THSD7A: variants seen among roughly 807,000 people sequenced by gnomAD.
THSD7A encodes the protein thrombospondin type 1 domain containing 7A.
THSD7A carries 96 observed loss-of-function variants against 231.3 expected under a neutral mutation model. The observed-to-expected ratio is 0.41, with a 90% CI of 0.35 to 0.49. The LOEUF (loss-of-function observed/expected upper bound fraction) is 0.49. Among genes scored for constraint, THSD7A ranks in the 20% least tolerant of loss-of-function variants. THSD7A has a pLI of 0.05. For synonymous variants in THSD7A, 940 were observed against 743.3 expected, an observed-to-expected ratio of 1.26 and a Z score of -4.30; for missense variants, 2,290 against 2,070.2, an observed-to-expected ratio of 1.11 and a Z score of -2.06.
Position 11,382,535 on chromosome 7 carries a change from C to T in THSD7A, c.4493G>A (p.Gly1498Asp). ...SRTVWCQRSD[G>D]INVTGGCLVM... Reference sequence around the variant, plus strand: ...TGGAGGTTTACCTGTTACATTTATACCATCTGACCTTTGACACCACACTGT... The same window carrying T: ...TGGAGGTTTACCTGTTACATTTATATCATCTGACCTTTGACACCACACTGT... The change falls in exon 24 of 28, where the codon GGT becomes GAT. Residue 1498 changes from glycine (G) to aspartate (D), a missense_variant. Coordinates refer to ENST00000423059, the MANE Select transcript of THSD7A (RefSeq NM_015204.3). The T allele has an allele frequency of 1.2e-6, 2 of 1,612,282 alleles. No individual in the cohort carries two copies. Among genetic ancestry groups the T allele is most frequent in the Non-Finnish European group, 1.7e-6 (2 of 1,178,848 alleles).
intron 1 of THSD7A, among the ~76,000 whole-genome samples, chr7:11,686,045 A>G (rs1257016986): frequency 1.3e-5 from 2 of 151,882 alleles, no homozygotes; most frequent in African/African-American, 4.8e-5. Context: ...TAAAAGCGGA[A>G]TCATGTCCTT....
intron 1 of THSD7A, among the ~76,000 whole-genome samples, chr7:11,658,900 C>T (rs534161784): frequency 6.6e-6 from 1 of 151,610 alleles, no homozygotes; most frequent in Non-Finnish European, 1.5e-5. Flanking sequence ...CAGAGCAGAA[C>T]TCAGAATAAA....
At chr7:11,566,325 G>T (rs1013742087) in intron 4 of THSD7A, among the ~76,000 whole-genome samples, 7 of 152,198 alleles carry the variant, frequency 4.6e-5, no homozygotes, top group African/African-American at 1.4e-4. Context: ...GAGACAGAAA[G>T]GGATGTTTTA....
chr7:11,569,750 A>G (rs1422973019), intron 4 of THSD7A, among the ~76,000 whole-genome samples: 2 of 152,254 alleles, frequency 1.3e-5, no homozygotes, highest in African/African-American at 4.8e-5. Flanking sequence ...TTCACTATTT[A>G]TAGCCAAGAT....
chr7:11,688,649 G>T (rs139521481), intron 1 of THSD7A, among the ~76,000 whole-genome samples: 1 of 151,818 alleles, frequency 6.6e-6, no homozygotes, highest in Non-Finnish European at 1.5e-5. Flanking sequence ...CAGATAAAGA[G>T]GTAACATGAG....
chr7:11,476,867 A>T (rs10259174), intron 7 of THSD7A, among the ~76,000 whole-genome samples: 2 of 150,864 alleles, frequency 1.3e-5, no homozygotes, highest in Non-Finnish European at 2.9e-5. Context: ...ATACAAATTC[A>T]TTTTCATGTT....
At chr7:11,494,161 T>A (rs1466854553) in intron 6 of THSD7A, among the ~76,000 whole-genome samples, 1 of 152,028 alleles carries the variant, frequency 6.6e-6, no homozygotes, top group East Asian at 1.9e-4. Context: ...AAATAGTCAG[T>A]TGATGTGGGC....
intron 1 of THSD7A, among the ~76,000 whole-genome samples, chr7:11,713,487 C>T (rs1781031318): frequency 1.3e-5 from 2 of 151,170 alleles, no homozygotes; most frequent in Non-Finnish European, 3.0e-5. Flanking sequence ...TTACTGTCGT[C>T]TTGCCCTTTC....
At chr7:11,511,419 A>T (rs548909727) in intron 6 of THSD7A, among the ~76,000 whole-genome samples, 2 of 152,344 alleles carry the variant, frequency 1.3e-5, no homozygotes, top group East Asian at 3.9e-4. Context: ...TCTTCACAGA[A>T]TTGGGAAAAA....
At chr7:11,440,409 C>A (rs1189297573) in intron 13 of THSD7A, among the ~76,000 whole-genome samples, 2 of 151,906 alleles carry the variant, frequency 1.3e-5, no homozygotes, top group African/African-American at 4.8e-5. Context: ...TTAAGAAATG[C>A]ATTTTGTAAG....
intron 1 of THSD7A, among the ~76,000 whole-genome samples, chr7:11,825,458 T>C (rs1054443462): frequency 6.6e-6 from 1 of 152,128 alleles, no homozygotes; most frequent in African/African-American, 2.4e-5. Context: ...ACTGTATCAA[T>C]TCGTATTTTC....
At chr7:11,654,464 TCTAA>T (rs1421060700) in intron 1 of THSD7A, among the ~76,000 whole-genome samples, 1 of 152,012 alleles carries the variant, frequency 6.6e-6, no homozygotes, top group African/African-American at 2.4e-5. Context: ...ACATTTTATC[TCTAA>T]CTAGAAAAAT....
chr7:11,521,580 C>G lies in THSD7A; in HGVS notation c.1822+19839G>C, dbSNP rs145875710. ...TATGTATACATGTGCCATGCTGGTG[C>G]GCTGCACCCACTAACGTGTCAGTTA... On this transcript the variant is annotated intron_variant, in intron 6 of 27. Coordinates refer to ENST00000423059, the MANE Select transcript of THSD7A (RefSeq NM_015204.3). Among the ~76,000 whole-genome samples, 7 of 142,400 alleles carry G rather than the reference C, an allele frequency of 4.9e-5. 2 individuals carry two copies. The highest frequency in any genetic ancestry group is 2.8e-4 in the Admixed American group (4 of 14,316). The allele number at this position is 142,400 out of a possible 152,430, so 93.4% of individuals were successfully genotyped here. A position where few individuals can be genotyped will look rare whatever the true frequency, so the allele number is the denominator to read the frequency against.
At chr7:11,796,838 T>TACTATC (rs1211979202) in intron 1 of THSD7A, among the ~76,000 whole-genome samples, 12 of 152,250 alleles carry the variant, frequency 7.9e-5, no homozygotes, top group Admixed American at 6.5e-4. Context: ...GTTAGTCATT[T>TACTATC]ACTATCCTAT....
At chr7:11,422,753 A>G (rs1471191983) in intron 16 of THSD7A, among the ~76,000 whole-genome samples, 1 of 152,126 alleles carries the variant, frequency 6.6e-6, no homozygotes, top group Non-Finnish European at 1.5e-5. Flanking sequence ...CCTGGGTTCA[A>G]GCAGTTCTCC....
At chr7:11,430,297 A>T (rs1430716386) in intron 13 of THSD7A, among the ~76,000 whole-genome samples, 1 of 152,084 alleles carries the variant, frequency 6.6e-6, no homozygotes, top group African/African-American at 2.4e-5. Flanking sequence ...ATCACCATCT[A>T]ATTTTAGAAC....
intron 1 of THSD7A, among the ~76,000 whole-genome samples, chr7:11,782,104 T>C (rs1263314466): frequency 6.6e-6 from 1 of 152,162 alleles, no homozygotes; most frequent in Non-Finnish European, 1.5e-5. Flanking sequence ...ATTATGGGTA[T>C]AAAGTTGTAA....
At chr7:11,463,153 T>A (rs2128298856) in intron 9 of THSD7A, among the ~76,000 whole-genome samples, 1 of 152,298 alleles carries the variant, frequency 6.6e-6, no homozygotes, top group South Asian at 2.1e-4. Flanking sequence ...TAATGTTTAA[T>A]CAGAAATCAA....
chr7:11,774,970 T>G (rs1441096297), intron 1 of THSD7A, among the ~76,000 whole-genome samples: 1 of 151,966 alleles, frequency 6.6e-6, no homozygotes, highest in Non-Finnish European at 1.5e-5. Flanking sequence ...CACGATAATC[T>G]CTTGAACCCA....
Sources: allele counts gnomAD v4.1 joint callset (sites outside exome capture counted in the v4.1 genomes callset), GRCh38; gene constraint gnomAD v4.1.1; transcripts MANE v1.5; gene names NCBI Gene and HGNC (gene_info 2026-07-23, HGNC 2026-07-21).